ZNF10: variants seen among roughly 807,000 people sequenced by gnomAD.
The protein encoded by ZNF10 is zinc finger protein 10 (KOX 1).
Under a neutral mutation model 12.2 loss-of-function variants are expected in ZNF10, and 8 were observed. The observed-to-expected ratio is 0.66, with a 90% CI of 0.39 to 1.18. The LOEUF is 1.18. Ranked by LOEUF, ZNF10 falls within the 50% of genes most tolerant of loss-of-function variation. The probability of loss-of-function intolerance (pLI) is 0.01; values close to 1 mark genes in which losing one functional copy is unlikely to be tolerated. For missense variants in ZNF10, 603 were observed against 678.9 expected, an observed-to-expected ratio of 0.89 and a Z score of 1.24; for synonymous variants, 229 against 228.2, an observed-to-expected ratio of 1.00 and a Z score of -0.03.
intron 1 of ZNF10, among the ~76,000 whole-genome samples, chr12:133,136,812 C>T (rs1164076069): frequency 2.6e-5 from 4 of 152,118 alleles, no homozygotes; most frequent in African/African-American, 2.4e-5. Flanking sequence ...ATCCTCCTCC[C>T]GAAAAGCTTG....
rs564525094 is a variant in ZNF10, at chr12:133,156,729, G to A, written c.1483G>A (p.Gly495Arg). The change falls in exon 5 of 5, where the codon GGG becomes AGG. Residue 495 changes from glycine (G) to arginine (R), a missense_variant. Transcript: ENST00000248211. ...GEKPYECCQC[G>R]KAFIRKNDLI... The stretch of plus-strand genomic sequence containing the variant: ...GAAACCATATGAATGCTGTCAGTGT[G>A]GGAAAGCCTTCATCCGGAAGAATGA... 1 of 1,611,540 alleles carries A rather than the reference G, an allele frequency of 6.2e-7. No individual in the cohort carries two copies. Among genetic ancestry groups the A allele is most frequent in the Admixed American group, 1.7e-5 (1 of 59,412 alleles).
chr12:133,155,005 G>C (rs1956030470), intron 4 of ZNF10, among the ~76,000 whole-genome samples: 1 of 151,962 alleles, frequency 6.6e-6, no homozygotes, highest in Admixed American at 6.6e-5. Context: ...TTGAACCTGG[G>C]AGGCGGAGGT....
intron 1 of ZNF10, among the ~76,000 whole-genome samples, chr12:133,140,428 CTT>C (rs59083992): frequency 4.1e-5 from 5 of 123,386 alleles, no homozygotes; most frequent in East Asian, 2.4e-4. Context: ...CACTAGACGT[CTT>C]TTTTTTTTTT....
At chr12:133,155,265 A>G (rs956154154) in intron 4 of ZNF10, among the ~76,000 whole-genome samples, 1 of 152,042 alleles carries the variant, frequency 6.6e-6, no homozygotes, top group African/African-American at 2.4e-5. Context: ...CCCTGATCCC[A>G]TGTGTCATGC....
intron 1 of ZNF10, among the ~76,000 whole-genome samples, chr12:133,142,568 T>C (rs895581571): frequency 6.6e-6 from 1 of 152,062 alleles, no homozygotes; most frequent in Admixed American, 6.6e-5. Flanking sequence ...AAAGAAGATA[T>C]ACACATGGCT....
Position 133,156,207 on chromosome 12 carries a change from T to A in ZNF10, c.961T>A (p.Tyr321Asn). The A allele has an allele frequency of 6.2e-7, 1 of 1,614,064 alleles. No homozygotes were observed. Among genetic ancestry groups the A allele is most frequent in the Non-Finnish European group, 8.5e-7 (1 of 1,180,012 alleles). ...AAAGACCCATACTGGTGAGGAACCC[T>A]ATGAATGTAAAGAATGTGGAAAATC... ...HQKTHTGEEP[Y>N]ECKECGKSFS... Residue 321 changes from tyrosine to asparagine, a missense_variant, in exon 5 of 5, where the codon TAT becomes AAT. By Grantham distance (143) the Tyr-to-Asn change is moderately radical. This residue lies in a region of ZNF10 where 393 missense variants were observed against 399.7 expected (regional missense o/e 0.98). Coordinates refer to ENST00000248211, the MANE Select transcript of ZNF10 (RefSeq NM_015394.5).
In ZNF10 at chr12:133,158,341, A is replaced by C. The variant is rs1277392454; in HGVS notation, c.*1373A>C. On this transcript the variant is annotated 3_prime_UTR_variant, in exon 5 of 5. Transcript: ENST00000248211. ...TCTGCTTGTGTGCTTATAAGAATTT[A>C]CTGAGTTCTCACTTCCCTTACAGTC... 2 of 152,170 alleles carry C rather than the reference A, an allele frequency of 1.3e-5. No individual in the cohort carries two copies. Among genetic ancestry groups the C allele is most frequent in the African/African-American group, 4.8e-5 (2 of 41,446 alleles). 9.4% of individuals were successfully genotyped at this position (152,170 alleles called of 1,614,324 possible).
chr12:133,153,950 C>G (rs1483520921), intron 4 of ZNF10, among the ~76,000 whole-genome samples: 1 of 152,108 alleles, frequency 6.6e-6, no homozygotes, highest in Non-Finnish European at 1.5e-5. Context: ...GTCTCTTCCC[C>G]TGTGTCTGTG....
At chr12:133,148,017 A>G (rs1955986092) in intron 2 of ZNF10, among the ~76,000 whole-genome samples, 1 of 151,932 alleles carries the variant, frequency 6.6e-6, no homozygotes, top group Admixed American at 6.6e-5. Context: ...TGCAAATATT[A>G]TTTCCTGGTC....
intron 1 of ZNF10, among the ~76,000 whole-genome samples, chr12:133,138,692 G>A (rs764625797): frequency 1.2e-4 from 19 of 152,072 alleles, no homozygotes; most frequent in Non-Finnish European, 2.6e-4. Context: ...TTTTTTTCAG[G>A]CTGAGTATTT....
At position 133,156,938 on chromosome 12, in the gene ZNF10, G is replaced by C. The variant is rs1956046646; in HGVS notation, c.1692G>C (p.Gln564His). ...ATACCTCTAACCTTATTGGATACCA[G>C]ACAAATCATATTAGAGAAAATGCTT... ...LVNTSNLIGY[Q>H]TNHIRENAY Residue 564 changes from glutamine (Q) to histidine (H), a missense_variant, in exon 5 of 5, where the codon CAG becomes CAC. Physicochemically the swap from Gln to His is conservative, Grantham distance 24. This residue lies in a region of ZNF10 where 6 missense variants were observed against 16.4 expected (regional missense o/e 0.37). Transcript: ENST00000248211. 3 of 1,426,972 alleles carry C rather than the reference G, an allele frequency of 2.1e-6. No homozygotes were observed. The highest frequency in any genetic ancestry group is 1.8e-6 in the Non-Finnish European group (2 of 1,088,012). 88.4% of individuals were successfully genotyped at this position (1,426,972 alleles called of 1,614,324 possible).
At chr12:133,134,502 GAACACAGCTCTGCC>G (rs1461806553) in intron 1 of ZNF10, among the ~76,000 whole-genome samples, 1 of 152,120 alleles carries the variant, frequency 6.6e-6, no homozygotes, top group African/African-American at 2.4e-5. Context: ...CCTCCAGAAG[GAACACAGCTCTGCC>G]AACACCTTAA....
chr12:133,152,032 G>GCC, intron 4 of ZNF10, 128 bp downstream of exon 4: 1 of 654,288 alleles, frequency 1.5e-6, no homozygotes. Context: ...AGTTTATCTG[G>GCC]CCCCTGTTTC....
Position 133,151,076 on chromosome 12 carries a change from T to C in ZNF10, c.82T>C (p.Trp28Arg), listed in dbSNP as rs190453479. Residue 28 changes from tryptophan to arginine, a missense_variant, in exon 3 of 5, where the codon TGG becomes CGG. By Grantham distance (101) the Trp-to-Arg change is moderately radical. Transcript: ENST00000248211. The part of the protein sequence containing the change: ...DVFVDFTREE[W>R]KLLDTAQQIV... Reference sequence around the variant, plus strand: ...ATTTGTGGACTTCACCAGGGAGGAGTGGAAGCTGCTGGACACTGCTCAGCA... The same window carrying C: ...ATTTGTGGACTTCACCAGGGAGGAGCGGAAGCTGCTGGACACTGCTCAGCA... 18 of 1,613,064 alleles carry C rather than the reference T, an allele frequency of 1.1e-5. No homozygotes were observed.
rs756080370 is a variant in ZNF10 at position 133,150,568 on chromosome 12, GT to G, written c.34-446del. Among the ~76,000 whole-genome samples the G allele has an allele frequency of 1.2e-3, 164 of 133,746 alleles. 1 individual carries two copies. Among genetic ancestry groups the G allele is most frequent in the East Asian group, 3.8e-3 (17 of 4,522 alleles). 87.7% of individuals were successfully genotyped at this position (133,746 alleles called of 152,430 possible). A position where few individuals can be genotyped will look rare whatever the true frequency, so the allele number is the denominator to read the frequency against. ...TAAAATATAATCTCCCAACTCTTCT[GT>G]TTTTTTTTTTTTTAGTACCTACCAA... is the stretch of plus-strand genomic sequence containing the variant. On this transcript the variant is annotated intron_variant, in intron 2 of 4. Coordinates refer to ENST00000248211, the MANE Select transcript of ZNF10 (RefSeq NM_015394.5).
chr12:133,135,878 T>C (rs1593838136), intron 1 of ZNF10, among the ~76,000 whole-genome samples: 1 of 152,246 alleles, frequency 6.6e-6, no homozygotes, highest in East Asian at 1.9e-4. Context: ...CTTGAGGAAA[T>C]CACAGCTAGG....
chr12:133,134,202 A>C lies in ZNF10; in HGVS notation c.-60+3448A>C, dbSNP rs375500981. 1.7e-4 allele frequency among the ~76,000 whole-genome samples: 26 copies of C among 151,944 alleles called. No homozygotes were observed. In the East Asian group the frequency reaches 3.3e-3, roughly 19 times the overall value. On this transcript the variant is annotated intron_variant, in intron 1 of 4. Transcript: ENST00000248211. The stretch of plus-strand genomic sequence containing the variant: ...GTGGTGGGCGCCTGTAATCCCAGCT[A>C]TATGGGAGGCTGTGGCAGGAGAATC...
chr12:133,135,180 T>C (rs1417002151), intron 1 of ZNF10, among the ~76,000 whole-genome samples: 4 of 152,210 alleles, frequency 2.6e-5, no homozygotes, highest in Non-Finnish European at 5.9e-5. Flanking sequence ...AGTGTGCGCA[T>C]ATAGAATTGT....
intron 1 of ZNF10, among the ~76,000 whole-genome samples, chr12:133,140,428 CTTTTTTT>C (rs59083992): frequency 1.6e-5 from 2 of 123,438 alleles, no homozygotes; most frequent in Non-Finnish European, 3.5e-5. Context: ...CACTAGACGT[CTTTTTTT>C]TTTTTTTTTT....
Sources: allele counts gnomAD v4.1 joint callset (sites outside exome capture counted in the v4.1 genomes callset), GRCh38; gene constraint gnomAD v4.1.1; regional missense constraint gnomAD v4.1.1; transcripts MANE v1.5; gene names NCBI Gene and HGNC (gene_info 2026-07-23, HGNC 2026-07-21).